Variants in ARAP2 observed in about 807,000 individuals in gnomAD.
ARAP2 encodes arf-GAP with Rho-GAP domain, ANK repeat and PH domain-containing protein 2.
In ARAP2, 148 loss-of-function variants were observed where a neutral mutation model predicts 194.5. The ratio of observed to expected loss-of-function variants is 0.76; its 90% CI spans 0.67 to 0.87. The LOEUF (loss-of-function observed/expected upper bound fraction) is 0.87, where lower values mean the gene tolerates loss of function less well. Among genes scored for constraint, ARAP2 ranks in the 40% least tolerant of loss-of-function variants. The probability of loss-of-function intolerance (pLI) is 0.00; values close to 1 mark genes in which losing one functional copy is unlikely to be tolerated. For synonymous variants in ARAP2, 695 were observed against 683.5 expected, an observed-to-expected ratio of 1.02 and a Z score of -0.26; for missense variants, 2,128 against 1,989.7, an observed-to-expected ratio of 1.07 and a Z score of -1.32.
intron 5 of ARAP2, among the ~76,000 whole-genome samples, chr4:36,032,564 G>T (rs1372778441): frequency 6.6e-6 from 1 of 152,100 alleles, no homozygotes; most frequent in Non-Finnish European, 1.5e-5. Context: ...AGATTAAATA[G>T]TATAATGAAG....
chr4:36,193,659 A>T lies in ARAP2; in HGVS notation c.1488-12T>A. On this transcript the variant is annotated splice_polypyrimidine_tract_variant and intron_variant, in intron 6 of 32. Coordinates refer to ENST00000303965, the MANE Select transcript of ARAP2 (RefSeq NM_015230.4). Reference sequence around the variant, plus strand: ...GAAACATGCGTTTTCTGCAAAACATATGAAATTGTTATTTTACATTCAAGT... The same window carrying T: ...GAAACATGCGTTTTCTGCAAAACATTTGAAATTGTTATTTTACATTCAAGT... 2 of 1,592,936 alleles carry T rather than the reference A, an allele frequency of 1.3e-6. No homozygotes were observed. The highest frequency in any genetic ancestry group is 1.7e-6 in the Non-Finnish European group (2 of 1,168,822).
intron 6 of ARAP2, among the ~76,000 whole-genome samples, chr4:36,209,859 A>G (rs181780815): frequency 7.2e-5 from 11 of 152,340 alleles, no homozygotes; most frequent in African/African-American, 2.6e-4. Flanking sequence ...AAATCCAAAG[A>G]AAAGTATAAT....
intron 2 of ARAP2, among the ~76,000 whole-genome samples, chr4:36,214,956 A>C (rs1017325813): frequency 6.6e-6 from 1 of 152,166 alleles, no homozygotes; most frequent in Non-Finnish European, 1.5e-5. Context: ...ACAATATGAA[A>C]ATACACACAA....
rs994529619 is a variant in ARAP2, at chr4:36,082,247, T to C, written c.4544+4A>G. 6 of 1,610,538 alleles carry C rather than the reference T, an allele frequency of 3.7e-6. No homozygotes were observed. The African/African-American group carries it at 8.0e-5, about 22-fold the overall frequency. On this transcript the variant is annotated splice_donor_region_variant and intron_variant, in intron 30 of 32. Transcript: ENST00000303965. The stretch of plus-strand genomic sequence containing the variant: ...TGTCCAAAAGTTGTCAGCTGTTAAC[T>C]TACCAGTGATGTTTCTCAGAATATG...
downstream of ARAP2, chr4:36,064,945 TGAG>T (rs1725154525): frequency 1.3e-5 from 2 of 156,424 alleles, no homozygotes; most frequent in African/African-American, 4.8e-5. Flanking sequence ...TAAAGGGAGA[TGAG>T]GAGTCCAAGA....
chr4:36,109,405 A>G (rs1719251285), intron 26 of ARAP2, among the ~76,000 whole-genome samples: 2 of 151,950 alleles, frequency 1.3e-5, no homozygotes, highest in African/African-American at 4.8e-5. Context: ...AATGCTCAAT[A>G]AATATTTGAC....
chr4:36,165,054 A>G lies in ARAP2; in HGVS notation c.2033T>C (p.Ile678Thr), dbSNP rs1466304689. ...TTCATAATCAGAGAGAGTTTCTGCT[A>G]TTGATTGCTGCACAGCTTCAATCCA... Reference protein sequence around the residue: ...QDWIEAVQQSIAETLSDYEVA... With the variant: ...QDWIEAVQQSTAETLSDYEVA... Residue 678 changes from isoleucine (I) to threonine (T), a missense_variant, in exon 11 of 33, where the codon ATA (isoleucine) becomes ACA (threonine). Transcript: ENST00000303965. 5.0e-6 allele frequency: 8 copies of G among 1,613,984 alleles called. No individual in the cohort carries two copies. Among genetic ancestry groups the G allele is most frequent in the African/African-American group, 1.3e-5 (1 of 74,942 alleles).
chr4:36,031,666 C>T (rs1439279026), intron 5 of ARAP2, among the ~76,000 whole-genome samples: 1 of 146,228 alleles, frequency 6.8e-6, no homozygotes, highest in Non-Finnish European at 1.5e-5. Context: ...GATTTAAAAT[C>T]TTTTTTTTTT....
At chr4:36,117,408 A>AT (rs1460898027) in intron 24 of ARAP2, among the ~76,000 whole-genome samples, 1 of 151,550 alleles carries the variant, frequency 6.6e-6, no homozygotes, top group Non-Finnish European at 1.5e-5. Context: ...AATACCTTAC[A>AT]TTTTTCCTAA....
chr4:36,138,376 C>T lies in ARAP2; in HGVS notation c.3264-4987G>A, dbSNP rs1209620100. Reference sequence around the variant, plus strand: ...AACTCTTTGCATTGCATTCCTTTCCCCACCCACAATCTTAGGCAAGAACTT... The same window carrying T: ...AACTCTTTGCATTGCATTCCTTTCCTCACCCACAATCTTAGGCAAGAACTT... On this transcript the variant is annotated intron_variant, in intron 19 of 32. Coordinates refer to ENST00000303965, the MANE Select transcript of ARAP2 (RefSeq NM_015230.4). Among the ~76,000 whole-genome samples, 4 of 151,718 alleles carry T rather than the reference C, an allele frequency of 2.6e-5. No homozygotes were observed. In the Admixed American group the frequency reaches 2.6e-4, roughly 10 times the overall value.
intron 11 of ARAP2, among the ~76,000 whole-genome samples, chr4:36,161,814 A>C (rs1308239192): frequency 7.8e-5 from 6 of 76,588 alleles, no homozygotes; most frequent in Admixed American, 1.4e-4. Flanking sequence ...AAAAAAAAAA[A>C]AAAAAACTAC....
rs151209170 is a variant in ARAP2, at chr4:36,181,439, A to G, written c.1679-3434T>C. Reference sequence around the variant, plus strand: ...GAGGTTTAAGAAAAATCGAGACAATATTCTCTGGACTACTGGGTTTAGCAG... The same window carrying G: ...GAGGTTTAAGAAAAATCGAGACAATGTTCTCTGGACTACTGGGTTTAGCAG... On this transcript the variant is annotated intron_variant, in intron 8 of 32. Transcript: ENST00000303965. 7.2e-5 allele frequency among the ~76,000 whole-genome samples: 11 copies of G among 152,308 alleles called. No individual in the cohort carries two copies. In the East Asian group the frequency reaches 2.1e-3, roughly 29 times the overall value.
chr4:36,116,854 C>T (rs1043583762), intron 25 of ARAP2, among the ~76,000 whole-genome samples: 5 of 151,616 alleles, frequency 3.3e-5, no homozygotes, highest in African/African-American at 9.7e-5. Context: ...AATCTTAACA[C>T]GTAATCCAAA....
rs1021459606 is a variant in ARAP2, at chr4:36,034,406, T to C, written n.607+11573A>G. On this transcript the variant is annotated intron_variant and non_coding_transcript_variant, in intron 5 of 12. Transcript: ENST00000503225. ...AGGTATCTTATTATTTTTGTGGATA[T>C]TGTGAATGGGATTGCCTTCCTGATT... 2.0e-5 allele frequency among the ~76,000 whole-genome samples: 3 copies of C among 152,274 alleles called. No homozygotes were observed. In the East Asian group the frequency reaches 5.8e-4, roughly 29 times the overall value.
chr4:36,167,266 T>C (rs925224087), intron 9 of ARAP2, among the ~76,000 whole-genome samples: 4 of 152,120 alleles, frequency 2.6e-5, no homozygotes, highest in Non-Finnish European at 5.9e-5. Flanking sequence ...GAAAGAAACA[T>C]TGACTAGGCC....
chr4:36,107,725 A>C, intron 26 of ARAP2, 32 bp from the exon 27 acceptor site: 1 of 1,566,646 alleles, frequency 6.4e-7, no homozygotes, highest in Non-Finnish European at 8.6e-7. Context: ...TCAAATGGAA[A>C]ATATATGAGG....
At chr4:36,164,222 A>G (rs2109795143) in intron 11 of ARAP2, among the ~76,000 whole-genome samples, 1 of 152,162 alleles carries the variant, frequency 6.6e-6, no homozygotes, top group African/African-American at 2.4e-5. Flanking sequence ...GTGTACATAC[A>G]GTGGGGGAGA....
intron 22 of ARAP2, among the ~76,000 whole-genome samples, chr4:36,123,002 C>T (rs1210222791): frequency 6.6e-6 from 1 of 151,708 alleles, no homozygotes; most frequent in Non-Finnish European, 1.5e-5. Context: ...GTAGAGAATT[C>T]ATAATAAAAT....
chr4:36,243,668 A>C (rs1025944798), intron 1 of ARAP2: 13 of 152,230 alleles, frequency 8.5e-5, no homozygotes, highest in African/African-American at 2.9e-4. Context: ...AGTAAACAAG[A>C]AAGATCAATC....
Sources: gnomAD v4.1 joint callset for allele counts (sites outside exome capture counted in the v4.1 genomes callset) on GRCh38, gnomAD v4.1.1 for gene constraint, MANE v1.5 for transcripts, NCBI Gene and HGNC (gene_info 2026-07-23, HGNC 2026-07-21) for gene names.